SLC60A2: variants seen among roughly 807,000 people sequenced by gnomAD.
SLC60A2 encodes the protein solute carrier family 60 member 2.
At chr6:111,267,180 A>G in the SLC60A2 span, 15 of 1,453,052 alleles carry the variant, frequency 1.0e-5, no homozygotes, top group Non-Finnish European at 1.3e-5. Flanking sequence ...CGCCATTCAG[A>G]GCAGAGCATT....
chr6:111,259,411 G>C, the SLC60A2 span: 2 of 395,914 alleles, frequency 5.1e-6, no homozygotes, highest in Non-Finnish European at 9.0e-6. Context: ...GGTTCCGGGC[G>C]GTCCGCTGGG....
chr6:111,267,328 C>G, the SLC60A2 span: 1 of 497,436 alleles, frequency 2.0e-6, no homozygotes, highest in Non-Finnish European at 3.5e-6. Flanking sequence ...ACAATAGGAT[C>G]TTGTTATAAC....
chr6:111,262,787 AC>A, the SLC60A2 span, among the ~76,000 whole-genome samples: 1 of 152,104 alleles, frequency 6.6e-6, no homozygotes, highest in South Asian at 2.1e-4. Flanking sequence ...AGCTCTTTGA[AC>A]CTGCCCAGGC....
chr6:111,262,331 GTC>G, the SLC60A2 span: 1 of 1,614,112 alleles, frequency 6.2e-7, no homozygotes, highest in Non-Finnish European at 8.5e-7. Flanking sequence ...TCAGTAGTCT[GTC>G]TTTCATTTTT....
chr6:111,259,575 C>T, the SLC60A2 span: 1 of 1,071,504 alleles, frequency 9.3e-7, no homozygotes, highest in Non-Finnish European at 1.3e-6. Context: ...GGCCGGGCCC[C>T]CGGCTGCGGG....
chr6:111,259,360 A>G, the SLC60A2 span: 8 of 330,764 alleles, frequency 2.4e-5, no homozygotes, highest in African/African-American at 1.1e-4. Flanking sequence ...GTCTTTTGCC[A>G]CGAACACCTG....
the SLC60A2 span, chr6:111,266,803 G>A: frequency 1.7e-5 from 27 of 1,613,676 alleles, no homozygotes; most frequent in East Asian, 2.2e-4. Context: ...CCTCTTGATC[G>A]CCAGCGAAAA....
At chr6:111,262,705 A>G in the SLC60A2 span, among the ~76,000 whole-genome samples, 2 of 152,274 alleles carry the variant, frequency 1.3e-5, no homozygotes, top group East Asian at 3.9e-4. Context: ...CCTGGATCAC[A>G]CACTGGTTGT....
chr6:111,264,280 A>T, the SLC60A2 span, among the ~76,000 whole-genome samples: 1 of 152,184 alleles, frequency 6.6e-6, no homozygotes, highest in South Asian at 2.1e-4. Flanking sequence ...TTGCTCTAGT[A>T]TGGGAGGAAT....
the SLC60A2 span, chr6:111,264,022 C>T: frequency 6.9e-6 from 5 of 722,942 alleles, no homozygotes; most frequent in African/African-American, 1.8e-5. Flanking sequence ...ACTAAACTGT[C>T]ACTTGCAATG....
chr6:111,269,969 A>C, the SLC60A2 span: 1 of 144,006 alleles, frequency 6.9e-6, no homozygotes, highest in Non-Finnish European at 1.5e-5. Flanking sequence ...AACAATAGAC[A>C]TTTGGTAATG....
At chr6:111,263,404 C>G in the SLC60A2 span, among the ~76,000 whole-genome samples, 2 of 152,082 alleles carry the variant, frequency 1.3e-5, no homozygotes, top group Non-Finnish European at 2.9e-5. Flanking sequence ...GTATTTTCCT[C>G]CCTATTTCCC....
chr6:111,274,930 T>A, the SLC60A2 span, among the ~76,000 whole-genome samples: 3 of 152,210 alleles, frequency 2.0e-5, no homozygotes, highest in Admixed American at 6.5e-5. Context: ...TATTTCATTT[T>A]AATTTTTTTA....
the SLC60A2 span, chr6:111,277,790 A>G: frequency 1.3e-5 from 2 of 152,184 alleles, no homozygotes; most frequent in African/African-American, 2.4e-5. Context: ...TTTTGTAGAA[A>G]TTACTCGGCA....
At chr6:111,277,196 G>A in the SLC60A2 span, among the ~76,000 whole-genome samples, 1 of 152,198 alleles carries the variant, frequency 6.6e-6, no homozygotes, top group African/African-American at 2.4e-5. Context: ...CATAAATATT[G>A]GTAATCGATA....
At chr6:111,261,704 C>G in the SLC60A2 span, among the ~76,000 whole-genome samples, 3 of 152,262 alleles carry the variant, frequency 2.0e-5, no homozygotes, top group African/African-American at 7.2e-5. Flanking sequence ...AGCGATTCTC[C>G]TGCCTCAGCC....
At chr6:111,268,466 AT>A in the SLC60A2 span, 1 of 152,240 alleles carries the variant, frequency 6.6e-6, no homozygotes, top group Non-Finnish European at 1.5e-5. Context: ...AATTCATTCA[AT>A]TATGATAGTA....
At chr6:111,262,168 C>A in the SLC60A2 span, 2 of 1,069,152 alleles carry the variant, frequency 1.9e-6, no homozygotes, top group Non-Finnish European at 1.4e-6. Context: ...CCTCCGCCCC[C>A]CTTTTTTTTT....
chr6:111,259,733 AGCCGGGGCTGCAACACTCCCAG>A, the SLC60A2 span: 1 of 1,584,548 alleles, frequency 6.3e-7, no homozygotes, highest in South Asian at 1.2e-5. Flanking sequence ...GGCTGGTGAG[AGCCGGGGCTGCAACACTCCCAG>A]GCCGGGGCGT....
Sources: allele counts gnomAD v4.1 joint callset (sites outside exome capture counted in the v4.1 genomes callset), GRCh38; gene constraint gnomAD v4.1.1; transcripts MANE v1.5; gene names NCBI Gene and HGNC (gene_info 2026-07-23, HGNC 2026-07-21).